NMT2: variants seen among roughly 807,000 people sequenced by gnomAD.
The protein encoded by NMT2 is glycylpeptide N-tetradecanoyltransferase 2.
A neutral mutation model predicts 65.4 loss-of-function variants in NMT2; 35 were observed. That is an observed-to-expected ratio of 0.54 (90% CI 0.41 to 0.71). The LOEUF (loss-of-function observed/expected upper bound fraction) is 0.71. Ranked by LOEUF, NMT2 falls within the 30% of genes least tolerant of loss-of-function variation. The probability of loss-of-function intolerance (pLI) is 0.00; values close to 1 mark genes in which losing one functional copy is unlikely to be tolerated. For missense variants in NMT2, 489 were observed against 611.3 expected (o/e 0.80, Z 2.11); for synonymous variants, 226 against 231.8 (o/e 0.98, Z 0.23).
In NMT2 at chr10:15,130,140, A is replaced by G. The variant is rs775632099; in HGVS notation, c.890+2T>C. On this transcript the variant is annotated splice_donor_variant, in intron 7 of 11. Transcript: ENST00000378165. LOFTEE classifies it high-confidence loss of function. Reference sequence around the variant, plus strand: ...CCTGAGGTAGAAATATGGTACTGGTACCTGCATGTGGCTATGGGCTTAGGA... The same window carrying G: ...CCTGAGGTAGAAATATGGTACTGGTGCCTGCATGTGGCTATGGGCTTAGGA... 6.7e-7 allele frequency: 1 copy of G among 1,499,088 alleles called. No homozygotes were observed. 92.9% of individuals were successfully genotyped at this position (1,499,088 alleles called of 1,614,324 possible). A position where few individuals can be genotyped will look rare whatever the true frequency, so the allele number is the denominator to read the frequency against.
intron 9 of NMT2, among the ~76,000 whole-genome samples, 197 bp downstream of exon 9, chr10:15,119,146 C>T (rs1430029756): frequency 6.6e-6 from 1 of 152,236 alleles, no homozygotes; most frequent in Non-Finnish European, 1.5e-5. Flanking sequence ...CATGGTTCAA[C>T]AAATGGCAGT....
At position 15,105,770 on chromosome 10, in the gene NMT2, T is replaced by C. The variant is rs1324436842; in HGVS notation, c.*3425A>G. 6.6e-6 allele frequency among the ~76,000 whole-genome samples: 1 copy of C among 152,228 alleles called. No individual in the cohort carries two copies. Among genetic ancestry groups the C allele is most frequent in the East Asian group, 1.9e-4 (1 of 5,198 alleles). Reference sequence around the variant, plus strand: ...TTTTAAATCTACAAGAAACTATCCATTGCATTTCAATTTAGTTTTAATAGC... The same window carrying C: ...TTTTAAATCTACAAGAAACTATCCACTGCATTTCAATTTAGTTTTAATAGC... On this transcript the variant is annotated 3_prime_UTR_variant, in exon 12 of 12. Coordinates refer to ENST00000378165, the MANE Select transcript of NMT2 (RefSeq NM_004808.3).
chr10:15,112,204 ATATATATATATATTTTTTTTTTTTTTTTT>A (rs1342732189), intron 10 of NMT2, among the ~76,000 whole-genome samples: 1 of 17,958 alleles, frequency 5.6e-5, no homozygotes, highest in African/African-American at 3.3e-4. Context: ...ATATATATAT[ATATATATATATATTTTTTTTTTTTTTTTT>A]TTTTTTTTTT....
intron 1 of NMT2, among the ~76,000 whole-genome samples, chr10:15,156,571 T>C (rs184648933): frequency 1.4e-4 from 22 of 152,316 alleles, no homozygotes; most frequent in Non-Finnish European, 3.1e-4. Context: ...ATGGCGTTTT[T>C]GCTTAGTGAT....
Position 15,112,778 on chromosome 10 carries a change from C to T in NMT2, c.1338+18G>A, listed in dbSNP as rs1845605967. Reference sequence around the variant, plus strand: ...CATTTGGAGAACCAAACGGCGTGAACAGGAAGGAGTGGCTTACCGATTTAG... The same window carrying T: ...CATTTGGAGAACCAAACGGCGTGAATAGGAAGGAGTGGCTTACCGATTTAG... On this transcript the variant is annotated intron_variant, in intron 10 of 11. Coordinates refer to ENST00000378165, the MANE Select transcript of NMT2 (RefSeq NM_004808.3). The T allele has an allele frequency of 1.9e-6, 3 of 1,597,494 alleles. No homozygotes were observed. The highest frequency in any genetic ancestry group is 2.6e-6 in the Non-Finnish European group (3 of 1,171,544).
intron 3 of NMT2, 42 bp from the exon 4 acceptor site, chr10:15,133,405 A>C: frequency 6.9e-7 from 1 of 1,445,682 alleles, no homozygotes; most frequent in Admixed American, 1.7e-5. Flanking sequence ...GCAAAAAGCG[A>C]GAATATTAAA....
chr10:15,118,194 G>A (rs12359489), intron 9 of NMT2, among the ~76,000 whole-genome samples: 11,243 of 152,188 alleles, frequency 0.074, 673 homozygotes, highest in African/African-American at 0.17. Context: ...ATAGAATATA[G>A]AGGACCCAGA....
At chr10:15,115,446 T>C (rs1169407341) in intron 9 of NMT2, among the ~76,000 whole-genome samples, 1 of 152,108 alleles carries the variant, frequency 6.6e-6, no homozygotes, top group Non-Finnish European at 1.5e-5. Flanking sequence ...ATAAAAACTA[T>C]ACAAATACAC....
intron 8 of NMT2, among the ~76,000 whole-genome samples, chr10:15,127,774 G>A (rs1846144995): frequency 6.6e-6 from 1 of 150,900 alleles, no homozygotes; most frequent in Non-Finnish European, 1.5e-5. Flanking sequence ...GTGGTGGCGG[G>A]TGCCTGTAGT....
intron 2 of NMT2, chr10:15,139,863 C>CTATATATATATATATA (rs201561074): frequency 4.3e-5 from 3 of 69,568 alleles, no homozygotes; most frequent in South Asian, 7.7e-4. Context: ...GTAACAACTA[C>CTATATATATATATATA]TATATATATA....
intron 3 of NMT2, among the ~76,000 whole-genome samples, chr10:15,134,823 A>T (rs1846418115): frequency 6.6e-6 from 1 of 152,052 alleles, no homozygotes. Flanking sequence ...TTTACAAAAA[A>T]ATACAAAAAT....
intron 3 of NMT2, among the ~76,000 whole-genome samples, chr10:15,134,806 CAGCGTCTT>C (rs1046769721): frequency 6.6e-6 from 1 of 152,038 alleles, no homozygotes; most frequent in African/African-American, 2.4e-5. Context: ...CATACTGAAA[CAGCGTCTT>C]TACAAAAAAA....
intron 1 of NMT2, among the ~76,000 whole-genome samples, chr10:15,144,259 C>G (rs1436327768): frequency 1.3e-5 from 2 of 152,128 alleles, no homozygotes; most frequent in East Asian, 3.9e-4. Flanking sequence ...GTCATCCCAG[C>G]CTCCAAACTC....
chr10:15,118,687 G>C (rs938005434), intron 9 of NMT2, among the ~76,000 whole-genome samples: 1 of 151,628 alleles, frequency 6.6e-6, no homozygotes, highest in African/African-American at 2.4e-5. Context: ...TCAACAATGA[G>C]GATATAAATT....
At chr10:15,152,223 C>G (rs1359613838) in intron 1 of NMT2, among the ~76,000 whole-genome samples, 1 of 152,132 alleles carries the variant, frequency 6.6e-6, no homozygotes. Context: ...GCGCTTTTCA[C>G]CAGGAAGCAC....
At position 15,132,899 on chromosome 10, in the gene NMT2, G is replaced by A; in HGVS notation, c.637C>T (p.His213Tyr). 2 of 1,613,734 alleles carry A rather than the reference G, an allele frequency of 1.2e-6. No homozygotes were observed. Among genetic ancestry groups the A allele is most frequent in the Non-Finnish European group, 1.7e-6 (2 of 1,179,780 alleles). ...LRPPGWLLQW[H>Y]CGVRVSSNKK... ...TTTGAAGACACTCTGACCCCACAGTGCCACTGCAGGAGCCAGCCTGGTGGA... is the reference window on the plus strand; with the variant it reads ...TTTGAAGACACTCTGACCCCACAGTACCACTGCAGGAGCCAGCCTGGTGGA... Residue 213 changes from histidine to tyrosine, a missense_variant, in exon 6 of 12, where the codon CAC becomes TAC. His to Tyr is a moderately conservative substitution (Grantham distance 83). Transcript: ENST00000378165.
intron 6 of NMT2, among the ~76,000 whole-genome samples, chr10:15,130,520 A>G (rs1846241243): frequency 6.7e-6 from 1 of 149,980 alleles, no homozygotes; most frequent in South Asian, 2.1e-4. Context: ...CAGCCTGGGC[A>G]ACACTGAGAC....
At chr10:15,135,246 A>T in intron 3 of NMT2, 28 bp downstream of exon 3, 1 of 1,606,348 alleles carries the variant, frequency 6.2e-7, no homozygotes, top group Non-Finnish European at 8.5e-7. Context: ...GTTTGTGGGG[A>T]AAAAAAGAGA....
intron 1 of NMT2, chr10:15,155,041 G>T: frequency 1.6e-6 from 2 of 1,238,268 alleles, no homozygotes; most frequent in Non-Finnish European, 2.4e-6. Context: ...AAGATGCCAG[G>T]ACCTGTATGC....
Sources: allele counts gnomAD v4.1 joint callset (sites outside exome capture counted in the v4.1 genomes callset), GRCh38; gene constraint gnomAD v4.1.1; transcripts MANE v1.5; gene names NCBI Gene and HGNC (gene_info 2026-07-23, HGNC 2026-07-21).